Variants in MCHR2 observed in about 807,000 individuals in gnomAD.
MCHR2 encodes melanin-concentrating hormone receptor 2.
MCHR2 carries 15 observed loss-of-function variants against 24.8 expected under a neutral mutation model. The observed-to-expected ratio is 0.60, with a 90% CI of 0.40 to 0.93. The LOEUF is 0.93. Ranked by LOEUF, MCHR2 falls within the 40% of genes least tolerant of loss-of-function variation. The probability of loss-of-function intolerance (pLI) is 0.00; values close to 1 mark genes in which losing one functional copy is unlikely to be tolerated. For missense variants in MCHR2, 386 were observed against 408.7 expected (o/e 0.94, Z 0.48); for synonymous variants, 151 against 147.6 (o/e 1.02, Z -0.17).
At chr6:99,938,961 A>G (rs1774721320) in intron 4 of MCHR2, among the ~76,000 whole-genome samples, 1 of 151,930 alleles carries the variant, frequency 6.6e-6, no homozygotes, top group Non-Finnish European at 1.5e-5. Context: ...GTCTTCTTTT[A>G]CAGTCATTGA....
chr6:99,924,510 A>AT (rs1333125348), intron 5 of MCHR2, among the ~76,000 whole-genome samples: 1 of 151,486 alleles, frequency 6.6e-6, no homozygotes, highest in Non-Finnish European at 1.5e-5. Context: ...TTTATTTGAC[A>AT]TTTTTCATCT....
intron 4 of MCHR2, among the ~76,000 whole-genome samples, chr6:99,941,329 G>A (rs575459774): frequency 7.0e-6 from 1 of 143,324 alleles, no homozygotes; most frequent in East Asian, 2.3e-4. Context: ...CTGGGATATT[G>A]CTAATGATAA....
intron 5 of MCHR2, among the ~76,000 whole-genome samples, chr6:99,931,452 C>G (rs1225592478): frequency 6.6e-6 from 1 of 152,192 alleles, no homozygotes; most frequent in African/African-American, 2.4e-5. Context: ...GTGGAGCCTA[C>G]AGTGGCAGGC....
chr6:99,956,659 T>A (rs1284137396), intron 1 of MCHR2, among the ~76,000 whole-genome samples: 1 of 152,122 alleles, frequency 6.6e-6, no homozygotes, highest in Non-Finnish European at 1.5e-5. Flanking sequence ...ATTATTGGAC[T>A]ATGTTGAAGC....
intron 5 of MCHR2, among the ~76,000 whole-genome samples, chr6:99,925,407 T>G (rs1317515042): frequency 1.3e-5 from 2 of 152,166 alleles, no homozygotes; most frequent in Non-Finnish European, 2.9e-5. Flanking sequence ...ATGTTATTAT[T>G]GATAAGCAAG....
At chr6:99,957,432 A>G (rs1009514871) in intron 1 of MCHR2, among the ~76,000 whole-genome samples, 1 of 152,076 alleles carries the variant, frequency 6.6e-6, no homozygotes, top group Non-Finnish European at 1.5e-5. Flanking sequence ...GTTCCTTTTC[A>G]TGTCTGTCAT....
chr6:99,926,047 A>C (rs2114487882), intron 5 of MCHR2, among the ~76,000 whole-genome samples: 1 of 151,138 alleles, frequency 6.6e-6, no homozygotes, highest in East Asian at 2.0e-4. Flanking sequence ...ATGTGTTCTC[A>C]TTGTTCAATT....
At chr6:99,929,982 G>T (rs376145948) in intron 5 of MCHR2, among the ~76,000 whole-genome samples, 5 of 150,276 alleles carry the variant, frequency 3.3e-5, no homozygotes, top group Non-Finnish European at 7.4e-5. Context: ...GGTACCGGTT[G>T]TTCCTTTCCA....
intron 4 of MCHR2, among the ~76,000 whole-genome samples, chr6:99,936,798 A>G (rs1385666334): frequency 6.6e-6 from 1 of 151,998 alleles, no homozygotes; most frequent in Non-Finnish European, 1.5e-5. Context: ...CATTTTAACA[A>G]TAGTAATTCT....
At chr6:99,987,590 C>T (rs1406019678) in intron 1 of MCHR2, among the ~76,000 whole-genome samples, 1 of 152,186 alleles carries the variant, frequency 6.6e-6, no homozygotes, top group Admixed American at 6.5e-5. Flanking sequence ...TTTGACACAA[C>T]ATTCCATGCT....
chr6:99,926,104 G>A (rs965920647), intron 5 of MCHR2, among the ~76,000 whole-genome samples: 88 of 152,014 alleles, frequency 5.8e-4, no homozygotes, highest in African/African-American at 2.0e-3. Context: ...TTGTCCTTGC[G>A]ATAGTTTACT....
chr6:99,977,740 T>TA (rs1321957422), intron 1 of MCHR2, among the ~76,000 whole-genome samples: 4 of 151,840 alleles, frequency 2.6e-5, no homozygotes, highest in South Asian at 2.1e-4. Context: ...TCTTATCCTT[T>TA]AAAAAAAAGG....
intron 1 of MCHR2, among the ~76,000 whole-genome samples, chr6:99,964,744 C>A (rs544346496): frequency 3.8e-4 from 57 of 151,868 alleles, no homozygotes; most frequent in Non-Finnish European, 7.6e-4. Flanking sequence ...CTGAAATTAA[C>A]CAAATGTCCA....
chr6:99,991,808 C>CAAAAAAAAAAAAA (rs3038469), intron 1 of MCHR2, among the ~76,000 whole-genome samples: 29 of 82,026 alleles, frequency 3.5e-4, no homozygotes, highest in Admixed American at 4.7e-4. Context: ...GACTCCGTCT[C>CAAAAAAAAAAAAA]AAAAAAAAAA....
chr6:99,932,688 T>C (rs1185994618), intron 5 of MCHR2, among the ~76,000 whole-genome samples: 1 of 152,152 alleles, frequency 6.6e-6, no homozygotes, highest in Non-Finnish European at 1.5e-5. Flanking sequence ...TTGGGAATGT[T>C]CTACAGGATA....
chr6:99,972,979 C>A (rs977246409), intron 1 of MCHR2, among the ~76,000 whole-genome samples: 5 of 152,042 alleles, frequency 3.3e-5, no homozygotes, highest in Admixed American at 1.3e-4. Context: ...GCTTTACTTC[C>A]AACTATGTGG....
chr6:99,991,808 C>CAA (rs3038469), intron 1 of MCHR2, among the ~76,000 whole-genome samples: 2 of 82,044 alleles, frequency 2.4e-5, no homozygotes, highest in African/African-American at 4.7e-5. Flanking sequence ...GACTCCGTCT[C>CAA]AAAAAAAAAA....
At chr6:99,970,369 T>C (rs1380220171) in intron 1 of MCHR2, among the ~76,000 whole-genome samples, 2 of 152,232 alleles carry the variant, frequency 1.3e-5, no homozygotes, top group African/African-American at 4.8e-5. Context: ...TTTTGAGAAG[T>C]GTCTGTTCAT....
intron 1 of MCHR2, among the ~76,000 whole-genome samples, chr6:99,971,693 G>A (rs1180791741): frequency 1.3e-5 from 2 of 152,172 alleles, no homozygotes; most frequent in African/African-American, 4.8e-5. Context: ...TATTTGCTGT[G>A]GGCTTGTCAT....
Sources: allele counts gnomAD v4.1 joint callset (sites outside exome capture counted in the v4.1 genomes callset), GRCh38; gene constraint gnomAD v4.1.1; transcripts MANE v1.5; gene names NCBI Gene and HGNC (gene_info 2026-07-23, HGNC 2026-07-21).